The following C17orf78 variants were observed in gnomAD, a reference collection of about 807,000 sequenced individuals.
C17orf78 encodes the protein chromosome 17 open reading frame 78.
Under a neutral mutation model 31.8 loss-of-function variants are expected in C17orf78, and 27 were observed. The observed-to-expected ratio is 0.85, with a 90% confidence interval of 0.63 to 1.17. C17orf78 has a LOEUF of 1.17. Ranked by LOEUF, C17orf78 falls within the 50% of genes most tolerant of loss-of-function variation. The probability of loss-of-function intolerance (pLI) is 0.00; values close to 1 mark genes in which losing one functional copy is unlikely to be tolerated. For missense variants in C17orf78, 258 were observed against 315.2 expected, an observed-to-expected ratio of 0.82 and a Z score of 1.37; for synonymous variants, 106 against 115.1, an observed-to-expected ratio of 0.92 and a Z score of 0.51.
chr17:37,390,271 A>T (rs1306729675), intron 6 of C17orf78, among the ~76,000 whole-genome samples: 6 of 51,010 alleles, frequency 1.2e-4, no homozygotes, highest in African/African-American at 4.7e-4. Context: ...AATTATATAT[A>T]ATATATTATA....
At chr17:37,379,517 C>G in intron 3 of C17orf78, 135 bp downstream of exon 3, 1 of 1,254,220 alleles carries the variant, frequency 8.0e-7, no homozygotes. Flanking sequence ...TGTTTTTTTT[C>G]TTGTAAATTT....
At position 37,392,118 on chromosome 17, in the gene C17orf78, A is replaced by C. The variant is rs938627494; in HGVS notation, c.*394A>C. 16 of 192,920 alleles carry C rather than the reference A, an allele frequency of 8.3e-5. No individual in the cohort carries two copies. The highest frequency in any genetic ancestry group is 1.1e-5 in the Non-Finnish European group (1 of 92,600). The allele number at this position is 192,920 out of a possible 1,614,324, so 12.0% of individuals were successfully genotyped here. On this transcript the variant is annotated 3_prime_UTR_variant, in exon 7 of 7. Transcript: ENST00000615133. Reference sequence around the variant, plus strand: ...CTGTTATCTTCACAGCTGACTTCACACTCACTGGCCCTCAATAGCTTAGAG... The same window carrying C: ...CTGTTATCTTCACAGCTGACTTCACCCTCACTGGCCCTCAATAGCTTAGAG...
intron 2 of C17orf78, among the ~76,000 whole-genome samples, chr17:37,378,200 C>T (rs573858312): frequency 6.0e-4 from 92 of 152,298 alleles, no homozygotes; most frequent in Non-Finnish European, 1.2e-3. Context: ...GCAGAACCTA[C>T]CCCTCTCTGC....
Position 37,388,803 on chromosome 17 carries a change from G to A in C17orf78, c.633+9G>A, listed in dbSNP as rs2050664101. 6.2e-7 allele frequency: 1 copy of A among 1,612,668 alleles called. No homozygotes were observed. Among genetic ancestry groups the A allele is most frequent in the African/African-American group, 1.3e-5 (1 of 74,902 alleles). ...TTGAAGTCCCATGTCCTGTAAGTTT[G>A]CTGTTGTATTGAATCCTTGAACTTG... On this transcript the variant is annotated intron_variant, in intron 5 of 6. Transcript: ENST00000615133.
rs765382130 is a variant in C17orf78 at position 37,386,069 on chromosome 17, C to G, written c.452C>G (p.Thr151Ser). 3.7e-6 allele frequency: 6 copies of G among 1,606,146 alleles called. No individual in the cohort carries two copies. Among genetic ancestry groups the G allele is most frequent in the Admixed American group, 1.7e-5 (1 of 59,652 alleles). The change falls in exon 4 of 7, where the codon ACC (threonine) becomes AGC (serine). Residue 151 changes from threonine (T) to serine (S), a missense_variant. Coordinates refer to ENST00000615133, the MANE Select transcript of C17orf78 (RefSeq NM_173625.5). ...GGGGCTTCATCAGAGACTTTTCCCA[C>G]CACTGCCCCTTCTATAACTCCTGGG... Reference protein sequence around the residue: ...VLGASSETFPTTAPSITPGNK... With the variant: ...VLGASSETFPSTAPSITPGNK...
intron 6 of C17orf78, among the ~76,000 whole-genome samples, chr17:37,389,580 G>A (rs764094514): frequency 1.6e-4 from 25 of 151,934 alleles, no homozygotes; most frequent in Non-Finnish European, 2.2e-4. Context: ...CCAGCTACTC[G>A]GAAGGCTGAG....
chr17:37,381,683 A>G (rs990363594), intron 3 of C17orf78, among the ~76,000 whole-genome samples: 1 of 137,668 alleles, frequency 7.3e-6, no homozygotes. Flanking sequence ...GCTGGAGTGC[A>G]GTGGTGCGAT....
chr17:37,391,597 C>G, intron 6 of C17orf78, 50 bp from the exon 7 acceptor site: 1 of 1,537,318 alleles, frequency 6.5e-7, no homozygotes, highest in Non-Finnish European at 9.0e-7. Context: ...ACATGAAGAA[C>G]TATACACTTG....
chr17:37,389,838 C>T (rs527865294), intron 6 of C17orf78, among the ~76,000 whole-genome samples: 2 of 151,592 alleles, frequency 1.3e-5, no homozygotes, highest in African/African-American at 4.8e-5. Flanking sequence ...GTGGGCAATC[C>T]TTCTTATGTC....
At chr17:37,389,224 A>T in intron 5 of C17orf78, 22 bp from the exon 6 acceptor site, 1 of 1,561,084 alleles carries the variant, frequency 6.4e-7, no homozygotes. Context: ...TCATATTAAT[A>T]CCAGTCATTT....
At position 37,390,163 on chromosome 17, in the gene C17orf78, T is replaced by C. The variant is rs1490481051; in HGVS notation, c.750+801T>C. Among the ~76,000 whole-genome samples, 198 of 38,474 alleles carry C rather than the reference T, an allele frequency of 5.1e-3. 13 individuals are homozygous for C. The highest frequency in any genetic ancestry group is 0.041 in the East Asian group (12 of 296). 25.2% of individuals were successfully genotyped at this position (38,474 alleles called of 152,430 possible). On this transcript the variant is annotated intron_variant, in intron 6 of 6. Transcript: ENST00000615133. ...AAGTATATATATATATATATATATATATATATATATATACACACACACATT... is the reference window on the plus strand; with the variant it reads ...AAGTATATATATATATATATATATACATATATATATATACACACACACATT...
At chr17:37,390,304 T>TTTTATATATATATATATTATATA (rs1201500381) in intron 6 of C17orf78, among the ~76,000 whole-genome samples, 4 of 17,982 alleles carry the variant, frequency 2.2e-4, no homozygotes, top group Non-Finnish European at 3.2e-4. Context: ...TTATACATAA[T>TTTTATATATATATATATTATATA]TATATATATA....
intron 6 of C17orf78, among the ~76,000 whole-genome samples, chr17:37,390,155 T>TAC: frequency 1.9e-5 from 1 of 53,702 alleles, no homozygotes; most frequent in East Asian, 5.5e-4. Flanking sequence ...TATATATATA[T>TAC]ATATATATAT....
rs963437977 is a variant in C17orf78, at chr17:37,387,804, A to C, written c.509-866A>C. On this transcript the variant is annotated intron_variant, in intron 4 of 6. Coordinates refer to ENST00000615133, the MANE Select transcript of C17orf78 (RefSeq NM_173625.5). Reference sequence around the variant, plus strand: ...AAATTGGCCAGGACTAAAATTCTGTAAGATTCCAATTTGGGTTACATCCTA... The same window carrying C: ...AAATTGGCCAGGACTAAAATTCTGTCAGATTCCAATTTGGGTTACATCCTA... 51 of 152,106 alleles carry C rather than the reference A, an allele frequency of 3.4e-4. 4 individuals carry two copies. The allele number at this position is 152,106 out of a possible 1,614,324, so 9.4% of individuals were successfully genotyped here.
intron 3 of C17orf78, among the ~76,000 whole-genome samples, chr17:37,384,994 T>C (rs1341978703): frequency 6.6e-6 from 1 of 152,228 alleles, no homozygotes; most frequent in Non-Finnish European, 1.5e-5. Flanking sequence ...AGGTCAATTC[T>C]GGAGACGAGT....
Position 37,390,326 on chromosome 17 carries a change from A to ATC in C17orf78, c.750+965_750+966insCT, listed in dbSNP as rs2050812843. On this transcript the variant is annotated intron_variant, in intron 6 of 6. Coordinates refer to ENST00000615133, the MANE Select transcript of C17orf78 (RefSeq NM_173625.5). ...TAATTATATATATATATATATATAT[A>ATC]TATATATAAAAGGCCAGCTGGGCCG... is the stretch of plus-strand genomic sequence containing the variant. 5.7e-3 allele frequency among the ~76,000 whole-genome samples: 418 copies of ATC among 72,860 alleles called. 42 individuals are homozygous for ATC. Among genetic ancestry groups the ATC allele is most frequent in the Middle Eastern group, 0.019 (3 of 158 alleles). The allele number at this position is 72,860 out of a possible 152,430, so 47.8% of individuals were successfully genotyped here.
At chr17:37,383,043 TAAAC>T (rs1178712207) in intron 3 of C17orf78, among the ~76,000 whole-genome samples, 3 of 151,950 alleles carry the variant, frequency 2.0e-5, no homozygotes, top group East Asian at 1.9e-4. Flanking sequence ...TCTGAAAAAA[TAAAC>T]AAACTCAAAA....
chr17:37,387,504 TAGCGTAGTCTC>T (rs1338026672), intron 4 of C17orf78: 5 of 151,204 alleles, frequency 3.3e-5, no homozygotes, highest in Non-Finnish European at 7.4e-5. Context: ...TGGAGTGCAG[TAGCGTAGTCTC>T]AGCTTACTGC....
intron 6 of C17orf78, among the ~76,000 whole-genome samples, chr17:37,390,144 A>G (rs1179591639): frequency 9.7e-5 from 2 of 20,714 alleles, no homozygotes; most frequent in Non-Finnish European, 1.3e-4. Flanking sequence ...AAAAAAGTAT[A>G]TATATATATA....
Sources: gnomAD v4.1 joint callset for allele counts (sites outside exome capture counted in the v4.1 genomes callset) on GRCh38, gnomAD v4.1.1 for gene constraint, MANE v1.5 for transcripts, NCBI Gene and HGNC (gene_info 2026-07-23, HGNC 2026-07-21) for gene names.